The following LPCAT2 variants were observed in gnomAD, a reference collection of about 807,000 sequenced individuals.
LPCAT2 encodes 1-AGP acyltransferase 11.
LPCAT2 carries 58 observed loss-of-function variants against 64.7 expected under a neutral mutation model. The ratio of observed to expected loss-of-function variants is 0.90; its 90% CI spans 0.73 to 1.12. LPCAT2 has a LOEUF of 1.12. Ranked by LOEUF, LPCAT2 falls within the 50% of genes most tolerant of loss-of-function variation. The probability of loss-of-function intolerance (pLI) is 0.00; values close to 1 mark genes in which losing one functional copy is unlikely to be tolerated. For missense variants in LPCAT2, 579 were observed against 669.8 expected, an observed-to-expected ratio of 0.86 and a Z score of 1.50; for synonymous variants, 252 against 245.3, an observed-to-expected ratio of 1.03 and a Z score of -0.26.
intron 11 of LPCAT2, among the ~76,000 whole-genome samples, chr16:55,574,348 C>A (rs551284489): frequency 1.3e-4 from 20 of 152,174 alleles, no homozygotes; most frequent in South Asian, 2.1e-4. Context: ...GGGCTCCCAT[C>A]ATGGCAAAGC....
chr16:55,514,749 C>G (rs1962983528), intron 1 of LPCAT2, among the ~76,000 whole-genome samples: 1 of 152,160 alleles, frequency 6.6e-6, no homozygotes, highest in Non-Finnish European at 1.5e-5. Flanking sequence ...AAAGCCCAGA[C>G]TTTAGTCTTA....
At chr16:55,521,006 A>G (rs1361311944) in intron 1 of LPCAT2, among the ~76,000 whole-genome samples, 3 of 151,856 alleles carry the variant, frequency 2.0e-5, no homozygotes, top group Non-Finnish European at 4.4e-5. Context: ...TAAGAGCAAT[A>G]ATCAGTGAAA....
At chr16:55,574,829 A>G in intron 12 of LPCAT2, 100 bp downstream of exon 12, 1 of 861,174 alleles carries the variant, frequency 1.2e-6, no homozygotes, top group Admixed American at 1.8e-5. Context: ...ATGTGATTTT[A>G]TAGATCTGCT....
chr16:55,545,642 A>C (rs1366414335), intron 8 of LPCAT2, 93 bp from the exon 9 acceptor site: 9 of 792,042 alleles, frequency 1.1e-5, no homozygotes, highest in Non-Finnish European at 1.9e-5. Context: ...AAGGTAGATG[A>C]TTCAATATAT....
chr16:55,533,294 T>A (rs1343858995), intron 6 of LPCAT2, among the ~76,000 whole-genome samples: 1 of 152,088 alleles, frequency 6.6e-6, no homozygotes, highest in Admixed American at 6.6e-5. Context: ...TAAAGAGGCT[T>A]GGTCTTTCAT....
intron 1 of LPCAT2, among the ~76,000 whole-genome samples, chr16:55,509,685 G>C (rs1244337891): frequency 1.3e-5 from 2 of 152,120 alleles, no homozygotes; most frequent in Non-Finnish European, 2.9e-5. Context: ...AGAAAGAGCA[G>C]TGGATCTGAG....
intron 1 of LPCAT2, among the ~76,000 whole-genome samples, chr16:55,513,452 G>C (rs1380750586): frequency 6.6e-6 from 1 of 150,744 alleles, no homozygotes; most frequent in Non-Finnish European, 1.5e-5. Flanking sequence ...ACTGAGATGA[G>C]ACATCAGCAA....
At chr16:55,516,709 C>T (rs1344740577) in intron 1 of LPCAT2, among the ~76,000 whole-genome samples, 2 of 152,018 alleles carry the variant, frequency 1.3e-5, no homozygotes, top group Admixed American at 6.6e-5. Context: ...TTCAATTACT[C>T]AATAATGATA....
intron 11 of LPCAT2, among the ~76,000 whole-genome samples, chr16:55,552,964 A>T (rs1305409725): frequency 6.6e-6 from 1 of 152,218 alleles, no homozygotes; most frequent in Non-Finnish European, 1.5e-5. Context: ...GGCTGGGTTC[A>T]GTGGCTCATG....
chr16:55,509,682 G>C (rs1349390746), intron 1 of LPCAT2, among the ~76,000 whole-genome samples: 2 of 152,116 alleles, frequency 1.3e-5, no homozygotes, highest in African/African-American at 4.8e-5. Context: ...GGAAGAAAGA[G>C]CAGTGGATCT....
chr16:55,526,888 A>T (rs1963178452), intron 2 of LPCAT2, among the ~76,000 whole-genome samples: 1 of 152,216 alleles, frequency 6.6e-6, no homozygotes, highest in Non-Finnish European at 1.5e-5. Flanking sequence ...TGAAGTTATT[A>T]TGTGGGACCA....
Position 55,537,248 on chromosome 16 carries a change from G to A in LPCAT2, c.798-330G>A, listed in dbSNP as rs562338717. 1.4e-4 allele frequency among the ~76,000 whole-genome samples: 22 copies of A among 152,060 alleles called. No individual in the cohort carries two copies. In the East Asian group the frequency reaches 3.3e-3, roughly 23 times the overall value. On this transcript the variant is annotated intron_variant, in intron 7 of 13. Coordinates refer to ENST00000262134, the MANE Select transcript of LPCAT2 (RefSeq NM_017839.5). ...ATTGTCAAGAATACTTGTCTAAGCC[G>A]GGCACAGTGGCTCACACCTGTAGTC...
At chr16:55,557,534 T>G (rs1167773617) in intron 11 of LPCAT2, among the ~76,000 whole-genome samples, 1 of 152,196 alleles carries the variant, frequency 6.6e-6, no homozygotes, top group Non-Finnish European at 1.5e-5. Flanking sequence ...CTTGCTAAAC[T>G]AAGTACACAA....
At chr16:55,560,027 A>C (rs1963618807) in intron 11 of LPCAT2, among the ~76,000 whole-genome samples, 2 of 152,200 alleles carry the variant, frequency 1.3e-5, no homozygotes, top group African/African-American at 4.8e-5. Context: ...GGAGATGCAC[A>C]GAGGAAACAG....
At chr16:55,575,185 A>T (rs1963813990) in intron 12 of LPCAT2, among the ~76,000 whole-genome samples, 1 of 152,130 alleles carries the variant, frequency 6.6e-6, no homozygotes, top group African/African-American at 2.4e-5. Context: ...CGTCAGGTGA[A>T]CACCATCATA....
chr16:55,550,896 A>C, intron 10 of LPCAT2, 53 bp from the exon 11 acceptor site: 1 of 1,317,090 alleles, frequency 7.6e-7, no homozygotes, highest in Non-Finnish European at 1.0e-6. Flanking sequence ...TAAAATGTGC[A>C]TGTGAATTGT....
At position 55,586,188 on chromosome 16, in the gene LPCAT2, A is replaced by G. The variant is rs1963943908; in HGVS notation, c.*3090A>G. On this transcript the variant is annotated 3_prime_UTR_variant, in exon 14 of 14. Coordinates refer to ENST00000262134, the MANE Select transcript of LPCAT2 (RefSeq NM_017839.5). ...ACATATATTCAAAATACATATCACAAACTTTGGTAAATAGGATAGTAATCT... is the reference window on the plus strand; with the variant it reads ...ACATATATTCAAAATACATATCACAGACTTTGGTAAATAGGATAGTAATCT... 6.6e-6 allele frequency: 1 copy of G among 152,124 alleles called. No individual in the cohort carries two copies. The highest frequency in any genetic ancestry group is 1.9e-4 in the East Asian group (1 of 5,188). 9.4% of individuals were successfully genotyped at this position (152,124 alleles called of 1,614,324 possible).
rs750317750 is a variant in LPCAT2, at chr16:55,550,935, C to T, written c.1062-14C>T. On this transcript the variant is annotated splice_polypyrimidine_tract_variant and intron_variant, in intron 10 of 13. Transcript: ENST00000262134. ...GGGCTAATAACATGTATCTATAATTCTTTGTTTGTTTAGATTAGATTGGGA... is the reference window on the plus strand; with the variant it reads ...GGGCTAATAACATGTATCTATAATTTTTTGTTTGTTTAGATTAGATTGGGA... The T allele has an allele frequency of 6.4e-7, 1 of 1,551,906 alleles. No homozygotes were observed. Among genetic ancestry groups the T allele is most frequent in the South Asian group, 1.2e-5 (1 of 82,250 alleles).
In LPCAT2 at chr16:55,528,607, A is replaced by G. The variant is rs555239890; in HGVS notation, c.529+13A>G. On this transcript the variant is annotated intron_variant, in intron 3 of 13. Coordinates refer to ENST00000262134, the MANE Select transcript of LPCAT2 (RefSeq NM_017839.5). ...CCTCTGATTGGCAGTAAGTACTTGT[A>G]AGGTAACGTAGATAAAATATTTTCA... 1.3e-6 allele frequency: 2 copies of G among 1,561,564 alleles called. No homozygotes were observed. The highest frequency in any genetic ancestry group is 4.5e-5 in the East Asian group (2 of 44,602).
Sources: gnomAD v4.1 joint callset for allele counts (sites outside exome capture counted in the v4.1 genomes callset) on GRCh38, gnomAD v4.1.1 for gene constraint, MANE v1.5 for transcripts, NCBI Gene and HGNC (gene_info 2026-07-23, HGNC 2026-07-21) for gene names.